The following TCF3 variants were observed in gnomAD, a reference collection of about 807,000 sequenced individuals.
The protein encoded by TCF3 is transcription factor 3, also known as transcription factor E2-alpha.
TCF3 carries 54 observed loss-of-function variants against 72.3 expected under a neutral mutation model. The observed-to-expected ratio is 0.75, with a 90% CI of 0.60 to 0.94. TCF3 has a LOEUF of 0.94. TCF3 is among the 40% of genes least tolerant of loss of function. The pLI is 0.00. For synonymous variants in TCF3, 525 were observed against 412.6 expected, an observed-to-expected ratio of 1.27 and a Z score of -3.30; for missense variants, 1,078 against 934.4, an observed-to-expected ratio of 1.15 and a Z score of -2.00.
chr19:1,644,310 G>A (rs2065755680), intron 3 of TCF3, among the ~76,000 whole-genome samples: 1 of 152,216 alleles, frequency 6.6e-6, no homozygotes, highest in African/African-American at 2.4e-5. Flanking sequence ...GCAATGAGGA[G>A]GGTGCCACCA....
At chr19:1,627,334 C>T in intron 6 of TCF3, 25 bp downstream of exon 6, 2 of 1,591,254 alleles carry the variant, frequency 1.3e-6, no homozygotes, top group Non-Finnish European at 1.7e-6. Context: ...TCAAAATACA[C>T]CCCAGCCCGG....
intron 3 of TCF3, among the ~76,000 whole-genome samples, chr19:1,637,111 G>A (rs2064528643): frequency 6.7e-6 from 1 of 149,238 alleles, no homozygotes; most frequent in Non-Finnish European, 1.5e-5. Flanking sequence ...CGCCAGAACC[G>A]GGGACAACTG....
In TCF3 at chr19:1,619,573, C is replaced by T. The variant is rs969167783; in HGVS notation, c.1168-99G>A. ...GCATGCAAGTGGCCGGTGGTCCCAT[C>T]TTCCCCTTCCCCAGGAAGCTGCATA... is the stretch of plus-strand genomic sequence containing the variant. On this transcript the variant is annotated intron_variant, in intron 14 of 18. Transcript: ENST00000262965. 6.2e-6 allele frequency: 9 copies of T among 1,453,426 alleles called. 1 individual carries two copies. In the African/African-American group the frequency reaches 1.1e-4, roughly 18 times the overall value. The allele number at this position is 1,453,426 out of a possible 1,614,324, so 90.0% of individuals were successfully genotyped here.
chr19:1,613,085 T>C (rs576340934), intron 18 of TCF3, among the ~76,000 whole-genome samples: 42 of 150,546 alleles, frequency 2.8e-4, no homozygotes, highest in African/African-American at 9.5e-4. Context: ...ACATGGCTGG[T>C]GTGGGTGTGG....
At chr19:1,619,633 A>T in intron 14 of TCF3, 147 bp downstream of exon 14, 1 of 1,255,606 alleles carries the variant, frequency 8.0e-7, no homozygotes, top group Non-Finnish European at 1.1e-6. Flanking sequence ...CACACACAAA[A>T]TGTGTGTGCC....
intron 8 of TCF3, among the ~76,000 whole-genome samples, chr19:1,623,047 G>C (rs1234576688): frequency 1.3e-5 from 2 of 152,166 alleles, no homozygotes; most frequent in African/African-American, 4.8e-5. Flanking sequence ...AGGGGAGTGA[G>C]TGATACTGTT....
At chr19:1,621,297 G>A (rs1773767923) in intron 11 of TCF3, 106 bp from the exon 12 acceptor site, 2 of 1,321,158 alleles carry the variant, frequency 1.5e-6, no homozygotes, top group Non-Finnish European at 2.0e-6. Context: ...CTGCGCCAGG[G>A]AGAGCAGCCT....
At chr19:1,633,090 GGGGCGGGGC>G (rs1002647012) in intron 3 of TCF3, among the ~76,000 whole-genome samples, 8 of 152,040 alleles carry the variant, frequency 5.3e-5, no homozygotes, top group African/African-American at 9.6e-5. Context: ...CCTTGGTCCC[GGGGCGGGGC>G]GGGCGGGGCC....
At position 1,627,410 on chromosome 19, in the gene TCF3, C is replaced by T. The variant is rs144176765; in HGVS notation, c.315G>A (p.Arg105=). 3,308 of 1,611,942 alleles carry T rather than the reference C, an allele frequency of 2.1e-3. 5 individuals carry two copies. The highest frequency in any genetic ancestry group is 3.7e-3 in the Middle Eastern group (22 of 5,926). ...CTCTCCCGAAGGAGGCATAGGCGCC[C>T]CGCTCACCGCTCTTGCCTGCAAGGG... ...GPGLGGKSGE[R]GAYASFGRDA... Residue 105 remains arginine (R), a synonymous_variant, in exon 6 of 19, where the codon CGG becomes CGA. Coordinates refer to ENST00000262965, the MANE Select transcript of TCF3 (RefSeq NM_003200.5).
intron 2 of TCF3, among the ~76,000 whole-genome samples, chr19:1,647,887 G>A (rs2066367799): frequency 6.6e-6 from 1 of 152,216 alleles, no homozygotes; most frequent in Non-Finnish European, 1.5e-5. Context: ...GGCTCTGGCT[G>A]TGTGGGACGT....
intron 2 of TCF3, among the ~76,000 whole-genome samples, chr19:1,648,822 G>GC (rs1300451847): frequency 2.0e-5 from 3 of 148,038 alleles, no homozygotes; most frequent in African/African-American, 7.8e-5. Flanking sequence ...GGGCATGGGG[G>GC]GGGGGGGGGA....
At chr19:1,652,117 C>A (rs181891685) in intron 1 of TCF3, among the ~76,000 whole-genome samples, 183 bp downstream of exon 1, 7,270 of 150,040 alleles carry the variant, frequency 0.048, 280 homozygotes, top group South Asian at 0.2. Flanking sequence ...ACGTCGCCGC[C>A]CCCCCGGCGC....
Position 1,652,514 on chromosome 19 carries a change from G to A in TCF3, c.-254C>T, listed in dbSNP as rs1392453770. The A allele has an allele frequency of 5.5e-5, 8 of 144,808 alleles. No homozygotes were observed. Among genetic ancestry groups the A allele is most frequent in the Admixed American group, 4.8e-4 (7 of 14,682 alleles). 9.0% of individuals were successfully genotyped at this position (144,808 alleles called of 1,614,324 possible). On this transcript the variant is annotated 5_prime_UTR_variant, in exon 1 of 19. Transcript: ENST00000262965. ...CGGCCGGGGCGCCCCTGGGGCAGCG[G>A]CGTGCGCGGTGCCCGCGGTGCCCGC...
intron 1 of TCF3, chr19:1,650,553 C>T (rs369518732): frequency 3.6e-5 from 13 of 362,746 alleles, no homozygotes; most frequent in Non-Finnish European, 5.5e-5. Flanking sequence ...AATATAAACT[C>T]CCTAACTCCC....
chr19:1,625,426 C>T (rs966712456), intron 7 of TCF3, 150 bp downstream of exon 7: 11 of 1,086,032 alleles, frequency 1.0e-5, no homozygotes, highest in East Asian at 3.2e-5. Context: ...CCGTCCATCC[C>T]TCCCACGGCC....
intron 7 of TCF3, 47 bp from the exon 8 acceptor site, chr19:1,624,047 A>C (rs1016483283): frequency 1.3e-5 from 20 of 1,590,244 alleles, no homozygotes; most frequent in South Asian, 3.3e-5. Flanking sequence ...CCATGAGAAC[A>C]ACCCCTGCCC....
intron 3 of TCF3, among the ~76,000 whole-genome samples, chr19:1,642,290 A>C (rs993221648): frequency 2.0e-5 from 3 of 151,896 alleles, no homozygotes; most frequent in Non-Finnish European, 2.9e-5. Context: ...AGACGCGCAC[A>C]CGCACAGACA....
chr19:1,611,939 GGGT>G, intron 18 of TCF3, 90 bp from the exon 19 acceptor site: 2 of 224,264 alleles, frequency 8.9e-6, no homozygotes, highest in Admixed American at 6.4e-5. Context: ...TCGGGGGGGG[GGGT>G]GGGGGCAGAG....
chr19:1,619,560 C>A (rs2061925414), intron 14 of TCF3, 86 bp from the exon 15 acceptor site: 2 of 1,482,368 alleles, frequency 1.3e-6, no homozygotes, highest in Non-Finnish European at 1.8e-6. Flanking sequence ...ATGCAAGTGG[C>A]CGGTGGTCCC....
Sources: gnomAD v4.1 joint callset for allele counts (sites outside exome capture counted in the v4.1 genomes callset) on GRCh38, gnomAD v4.1.1 for gene constraint, MANE v1.5 for transcripts, NCBI Gene and HGNC (gene_info 2026-07-23, HGNC 2026-07-21) for gene names.